PLB1: variants seen among roughly 807,000 people sequenced by gnomAD.
PLB1 encodes phospholipase B1, also known as phospholipase B1, membrane-associated.
PLB1 carries 242 observed loss-of-function variants against 227.4 expected under a neutral mutation model. The ratio of observed to expected loss-of-function variants is 1.06; its 90% confidence interval spans 0.96 to 1.18. PLB1 has a LOEUF of 1.18. Among genes scored for constraint, PLB1 ranks in the 50% most tolerant of loss-of-function variants. The pLI is 0.00. For synonymous variants in PLB1, 757 were observed against 682.2 expected, an observed-to-expected ratio of 1.11 and a Z score of -1.71; for missense variants, 1,858 against 1,816.3, an observed-to-expected ratio of 1.02 and a Z score of -0.42.
intron 1 of PLB1, among the ~76,000 whole-genome samples, chr2:28,516,203 A>G (rs924228616): frequency 6.6e-6 from 1 of 152,200 alleles, no homozygotes; most frequent in Non-Finnish European, 1.5e-5. Context: ...AAAATAATAA[A>G]TGTTTTTAAA....
chr2:28,585,877 C>G, intron 26 of PLB1, 35 bp downstream of exon 26: 2 of 1,514,206 alleles, frequency 1.3e-6, no homozygotes, highest in Non-Finnish European at 9.2e-7. Flanking sequence ...CTTCCCAGAA[C>G]TGCTGTGTGA....
At chr2:28,591,482 T>C (rs115545620) in intron 30 of PLB1, among the ~76,000 whole-genome samples, 9,964 of 152,278 alleles carry the variant, frequency 0.065, 396 homozygotes, top group Non-Finnish European at 0.085. Flanking sequence ...GATTCTTGCA[T>C]TGGACGGTGG....
Position 28,535,760 on chromosome 2 carries a change from A to G in PLB1, c.556-2559A>G, listed in dbSNP as rs561927730. Among the ~76,000 whole-genome samples, 185 of 152,226 alleles carry G rather than the reference A, an allele frequency of 1.2e-3. 3 individuals carry two copies. The highest frequency in any genetic ancestry group is 4.2e-3 in the African/African-American group (175 of 41,548). Reference sequence around the variant, plus strand: ...ATGTGGTGAAACCCTGTCTCTACCAAAAATACAAAAATTAGCTGGGTGTGG... The same window carrying G: ...ATGTGGTGAAACCCTGTCTCTACCAGAAATACAAAAATTAGCTGGGTGTGG... On this transcript the variant is annotated intron_variant, in intron 9 of 57. Transcript: ENST00000327757.
In PLB1 at chr2:28,532,152, C is replaced by T. The variant is rs1428764544; in HGVS notation, c.513C>T (p.Phe171=). 2.5e-6 allele frequency: 4 copies of T among 1,613,364 alleles called. No homozygotes were observed. Among genetic ancestry groups the T allele is most frequent in the Non-Finnish European group, 3.4e-6 (4 of 1,179,782 alleles). Residue 171 remains phenylalanine, a synonymous_variant, in exon 9 of 58, where the codon TTC becomes TTT. Transcript: ENST00000327757. ...ACTGGAAGCTCATCAATGTGTTCTT[C>T]AGTAATGCAAGCCAGTGTTACCTGT... is the stretch of plus-strand genomic sequence containing the variant. The part of the protein sequence containing the change: ...QFDWKLINVF[F]SNASQCYLCP...
chr2:28,539,944 T>A (rs1490289549), intron 11 of PLB1, among the ~76,000 whole-genome samples: 1 of 149,482 alleles, frequency 6.7e-6, no homozygotes, highest in Non-Finnish European at 1.5e-5. Context: ...CTCTATCCCA[T>A]AGCCACCCTC....
intron 1 of PLB1, among the ~76,000 whole-genome samples, chr2:28,499,848 G>A (rs1572603818): frequency 6.6e-6 from 1 of 151,948 alleles, no homozygotes; most frequent in South Asian, 2.1e-4. Context: ...TTGCACCACC[G>A]TACTCCAGCC....
rs536373360 is a variant in PLB1, at chr2:28,584,256, C to G, written c.1734-1505C>G. Among the ~76,000 whole-genome samples, 5 of 152,330 alleles carry G rather than the reference C, an allele frequency of 3.3e-5. No homozygotes were observed. The South Asian group carries it at 1.0e-3, about 32-fold the overall frequency. Reference sequence around the variant, plus strand: ...ACTTGCTCTTGGAAGTTAAGGGGTACCTTTCCTGCTCCTCTGCAGATCCAT... The same window carrying G: ...ACTTGCTCTTGGAAGTTAAGGGGTAGCTTTCCTGCTCCTCTGCAGATCCAT... On this transcript the variant is annotated intron_variant, in intron 25 of 57. Transcript: ENST00000327757.
chr2:28,590,174 A>T (rs1398253108), intron 29 of PLB1, 98 bp downstream of exon 29: 4 of 1,050,334 alleles, frequency 3.8e-6, no homozygotes, highest in African/African-American at 1.6e-5. Flanking sequence ...CTGCCTGCCC[A>T]CCCACCCCAT....
rs1303730447 is a variant in PLB1 at position 28,605,925 on chromosome 2, G to T, written c.3034G>T (p.Ala1012Ser). The stretch of plus-strand genomic sequence containing the variant: ...AAATCAGAAATTCCACTCCCAGCTG[G>T]CCAGAGCCCTTTGGACCAATATGGT... ...HPNQKFHSQL[A>S]RALWTNMLEP... The change falls in exon 42 of 58, where the codon GCC becomes TCC. Residue 1012 changes from alanine to serine, a missense_variant. Coordinates refer to ENST00000327757, the MANE Select transcript of PLB1 (RefSeq NM_153021.5). 2.5e-6 allele frequency: 4 copies of T among 1,613,088 alleles called. 1 individual carries two copies. In the South Asian group the frequency reaches 4.4e-5, roughly 18 times the overall value.
intron 3 of PLB1, among the ~76,000 whole-genome samples, chr2:28,519,068 A>G (rs555440278): frequency 1.3e-5 from 2 of 152,314 alleles, no homozygotes; most frequent in East Asian, 3.9e-4. Flanking sequence ...AAATTGATGC[A>G]CTTTTAAGGA....
chr2:28,523,501 CAA>C (rs1253951780), intron 4 of PLB1, among the ~76,000 whole-genome samples: 1 of 152,154 alleles, frequency 6.6e-6, no homozygotes, highest in Admixed American at 6.5e-5. Context: ...ATTCAGCAAA[CAA>C]AGAGTGTGAA....
chr2:28,589,711 T>C lies in PLB1; in HGVS notation c.1957T>C (p.Cys653Arg). 6.2e-7 allele frequency: 1 copy of C among 1,614,154 alleles called. No individual in the cohort carries two copies. The highest frequency in any genetic ancestry group is 8.5e-7 in the Non-Finnish European group (1 of 1,180,044). The change falls in exon 28 of 58, where the codon TGT becomes CGT. Residue 653 changes from cysteine (C) to arginine (R), a missense_variant. Cys to Arg is a radical substitution (Grantham distance 180). Coordinates refer to ENST00000327757, the MANE Select transcript of PLB1 (RefSeq NM_153021.5). ...TGACAACTCTTTCTTCGCTCCTGAC[T>C]GTTTCCACTTCAGCAGCAAGTCTCA... ...LPDNSFFAPDCFHFSSKSHSR... is the reference protein window; with the variant it reads ...LPDNSFFAPDRFHFSSKSHSR...
At chr2:28,551,265 CG>C (rs1674208454) in intron 16 of PLB1, among the ~76,000 whole-genome samples, 1 of 152,362 alleles carries the variant, frequency 6.6e-6, no homozygotes, top group Non-Finnish European at 1.5e-5. Flanking sequence ...GGGCCCCTGA[CG>C]GGCGCTCATG....
chr2:28,613,733 T>C (rs1474450470), intron 43 of PLB1, among the ~76,000 whole-genome samples: 1 of 151,726 alleles, frequency 6.6e-6, no homozygotes, highest in Non-Finnish European at 1.5e-5. Flanking sequence ...GCCAAGAAAA[T>C]AGATAGGTCT....
Position 28,601,338 on chromosome 2 carries a change from T to TGGGGCC in PLB1, c.2607+7_2607+12dup. 1 of 1,612,892 alleles carries TGGGGCC rather than the reference T, an allele frequency of 6.2e-7. No individual in the cohort carries two copies. On this transcript the variant is annotated splice_region_variant and intron_variant, in intron 37 of 57. Coordinates refer to ENST00000327757, the MANE Select transcript of PLB1 (RefSeq NM_153021.5). Reference sequence around the variant, plus strand: ...GTGACTACTGCACAGATTCGGTAATTGGGGCCAGGTCCAGGCCTACTTGTT... The same window carrying TGGGGCC: ...GTGACTACTGCACAGATTCGGTAATTGGGGCCGGGGCCAGGTCCAGGCCTACTTGTT...
chr2:28,642,953 A>G lies in PLB1; in HGVS notation c.4269A>G (p.Ala1423=), dbSNP rs141769465. Residue 1423 remains alanine (A), a synonymous_variant, in exon 58 of 58, where the codon GCA becomes GCG. Coordinates refer to ENST00000327757, the MANE Select transcript of PLB1 (RefSeq NM_153021.5). ...TGCTCTACTGGGCTGTCCCAGTGGC[A>G]GCGGGAGTCGGCCTTGTGGTGGGCA... ...PEVLYWAVPV[A]AGVGLVVGII... 3.1e-4 allele frequency: 504 copies of G among 1,609,446 alleles called. 1 individual carries two copies. The African/African-American group carries it at 6.0e-3, about 19-fold the overall frequency.
rs1459816870 is a variant in PLB1, at chr2:28,598,703, G to A, written c.2417G>A (p.Gly806Asp). Residue 806 changes from glycine to aspartate, a missense_variant, in exon 35 of 58, where the codon GGT (glycine) becomes GAT (aspartate). By Grantham distance (94) the Gly-to-Asp change is moderately conservative. Coordinates refer to ENST00000327757, the MANE Select transcript of PLB1 (RefSeq NM_153021.5). ...CTCACAGGCTACGCCGTGGGCACGGGTGATGCCAATGACACGAATGCATTC... is the reference window on the plus strand; with the variant it reads ...CTCACAGGCTACGCCGTGGGCACGGATGATGCCAATGACACGAATGCATTC... ...RNLTGYAVGT[G>D]DANDTNAFLN... 3 of 1,614,258 alleles carry A rather than the reference G, an allele frequency of 1.9e-6. No individual in the cohort carries two copies. The highest frequency in any genetic ancestry group is 2.5e-6 in the Non-Finnish European group (3 of 1,180,044).
chr2:28,509,730 T>C (rs963914459), intron 1 of PLB1, among the ~76,000 whole-genome samples: 10 of 152,208 alleles, frequency 6.6e-5, no homozygotes, highest in African/African-American at 2.4e-4. Flanking sequence ...GCCCTTCATA[T>C]ATCCATGGGC....
chr2:28,604,172 A>T lies in PLB1; in HGVS notation c.2856+125A>T. On this transcript the variant is annotated intron_variant, in intron 40 of 57. Transcript: ENST00000327757. ...GGTCAGGGATTGTGGGGAGACGGGG[A>T]GCAGCCTGGGTGCCTTCCTCTGTCT... The T allele has an allele frequency of 4.5e-6, 4 of 896,014 alleles. No individual in the cohort carries two copies. In the South Asian group the frequency reaches 6.0e-5, roughly 13 times the overall value. 55.5% of individuals were successfully genotyped at this position (896,014 alleles called of 1,614,324 possible).
Sources: allele counts gnomAD v4.1 joint callset (sites outside exome capture counted in the v4.1 genomes callset), GRCh38; gene constraint gnomAD v4.1.1; transcripts MANE v1.5; gene names NCBI Gene and HGNC (gene_info 2026-07-23, HGNC 2026-07-21).